The following FRAS1 variants were observed in gnomAD, a reference collection of about 807,000 sequenced individuals.
The protein encoded by FRAS1 is Fraser extracellular matrix complex subunit 1, also known as extracellular matrix organizing protein FRAS1.
Under a neutral mutation model 435.2 loss-of-function variants are expected in FRAS1, and 290 were observed. That is an observed-to-expected ratio of 0.67 (90% CI 0.61 to 0.73). The LOEUF (loss-of-function observed/expected upper bound fraction) is 0.73. FRAS1 is among the 30% of genes least tolerant of loss of function. FRAS1 has a pLI of 0.00. For synonymous variants in FRAS1, 1,800 were observed against 1,851.0 expected (o/e 0.97, Z 0.71); for missense variants, 4,860 against 5,001.5 (o/e 0.97, Z 0.85).
chr4:78,392,973 T>A (rs28583946), intron 29 of FRAS1, among the ~76,000 whole-genome samples: 3,811 of 151,510 alleles, frequency 0.025, 163 homozygotes, highest in African/African-American at 0.087. Flanking sequence ...AACAAACATG[T>A]TCATCATGAT....
intron 33 of FRAS1, 52 bp from the exon 34 acceptor site, chr4:78,421,811 A>G: frequency 1.3e-6 from 2 of 1,595,176 alleles, no homozygotes; most frequent in Non-Finnish European, 8.6e-7. Context: ...CTAGTCATTC[A>G]GTCAGTGATG....
intron 3 of FRAS1, among the ~76,000 whole-genome samples, chr4:78,238,096 A>C (rs1724839383): frequency 6.6e-6 from 1 of 152,132 alleles, no homozygotes; most frequent in African/African-American, 2.4e-5. Flanking sequence ...GAACTGACTT[A>C]TTGAAAAAGA....
chr4:78,082,460 A>G (rs1427987146), intron 2 of FRAS1, among the ~76,000 whole-genome samples: 2 of 152,156 alleles, frequency 1.3e-5, no homozygotes, highest in East Asian at 1.9e-4. Context: ...GTTGAGCAAA[A>G]CAACATAAAT....
chr4:78,399,609 G>C (rs79901226), intron 29 of FRAS1, among the ~76,000 whole-genome samples: 3,557 of 152,234 alleles, frequency 0.023, 156 homozygotes, highest in African/African-American at 0.08. Flanking sequence ...TCTCAGGAGT[G>C]CTGAATAGGT....
intron 2 of FRAS1, among the ~76,000 whole-genome samples, chr4:78,074,500 T>C (rs1358581862): frequency 6.6e-6 from 1 of 152,148 alleles, no homozygotes; most frequent in Non-Finnish European, 1.5e-5. Context: ...GACCCTGTGA[T>C]TGGATCTATG....
At chr4:78,214,250 A>T (rs761836127) in intron 2 of FRAS1, among the ~76,000 whole-genome samples, 15 of 152,208 alleles carry the variant, frequency 9.9e-5, no homozygotes, top group Non-Finnish European at 1.8e-4. Flanking sequence ...TCTGTCATAA[A>T]TCTTCTTGCT....
intron 22 of FRAS1, among the ~76,000 whole-genome samples, chr4:78,369,555 G>C (rs761583105): frequency 2.0e-5 from 3 of 152,218 alleles, no homozygotes; most frequent in Non-Finnish European, 4.4e-5. Flanking sequence ...GGATCTTAGA[G>C]TAAGCATAAA....
chr4:78,186,948 C>T (rs534226855), intron 2 of FRAS1, among the ~76,000 whole-genome samples: 1 of 152,270 alleles, frequency 6.6e-6, no homozygotes, highest in East Asian at 1.9e-4. Flanking sequence ...AATCTTTGAG[C>T]CTAAAATCTG....
At chr4:78,142,467 AAC>A (rs1447445068) in intron 2 of FRAS1, among the ~76,000 whole-genome samples, 1 of 152,008 alleles carries the variant, frequency 6.6e-6, no homozygotes, top group African/African-American at 2.4e-5. Context: ...GACAAGATGT[AAC>A]TGAAAACCAA....
intron 55 of FRAS1, 103 bp downstream of exon 55, chr4:78,478,164 A>G: frequency 3.9e-6 from 5 of 1,269,670 alleles, no homozygotes; most frequent in Non-Finnish European, 5.4e-6. Context: ...CTTAACTCAC[A>G]TGTGTACTTT....
At chr4:78,483,757 G>C (rs1397644918) in intron 58 of FRAS1, among the ~76,000 whole-genome samples, 1 of 76,330 alleles carries the variant, frequency 1.3e-5, no homozygotes, top group African/African-American at 4.5e-5. Flanking sequence ...TCCTTCAGGA[G>C]AAAAAAAAAA....
At chr4:78,060,192 C>CA (rs1026707622) in intron 1 of FRAS1, among the ~76,000 whole-genome samples, 3 of 151,956 alleles carry the variant, frequency 2.0e-5, no homozygotes, top group South Asian at 2.1e-4. Flanking sequence ...CTCCCACAGA[C>CA]AAAAAAACAT....
chr4:78,393,261 A>G (rs1047550224), intron 29 of FRAS1, among the ~76,000 whole-genome samples: 1 of 152,020 alleles, frequency 6.6e-6, no homozygotes, highest in Non-Finnish European at 1.5e-5. Context: ...TTTTAAATAT[A>G]CTATATTGTA....
chr4:78,067,554 C>G (rs1365548046), intron 2 of FRAS1, among the ~76,000 whole-genome samples: 2 of 152,006 alleles, frequency 1.3e-5, no homozygotes, highest in Non-Finnish European at 2.9e-5. Context: ...GGGCTCATGG[C>G]TGCTCAAGAT....
chr4:78,488,735 C>A (rs1720248954), intron 58 of FRAS1, 140 bp from the exon 59 acceptor site: 1 of 664,370 alleles, frequency 1.5e-6, no homozygotes, highest in Non-Finnish European at 2.6e-6. Flanking sequence ...AATCTGCTTG[C>A]CACCTGTGAT....
intron 2 of FRAS1, among the ~76,000 whole-genome samples, chr4:78,117,303 A>T (rs1048478775): frequency 5.3e-5 from 8 of 152,140 alleles, no homozygotes; most frequent in African/African-American, 1.7e-4. Context: ...TCGGACAATT[A>T]TGTGTCTTGG....
chr4:78,262,680 C>T (rs1444765722), intron 6 of FRAS1, among the ~76,000 whole-genome samples: 1 of 152,118 alleles, frequency 6.6e-6, no homozygotes, highest in Non-Finnish European at 1.5e-5. Context: ...ATCCATAATA[C>T]ACTATAAACT....
rs578118511 is a variant in FRAS1, at chr4:78,287,762, G to A, written c.1534+1223G>A. 1.1e-4 allele frequency among the ~76,000 whole-genome samples: 17 copies of A among 152,252 alleles called. No individual in the cohort carries two copies. The South Asian group carries it at 1.7e-3, about 15-fold the overall frequency. ...TCCTATGTGGAGGAGGCTGATGGTC[G>A]TCTCCATTCCAGGTAATGGTCAGAA... On this transcript the variant is annotated intron_variant, in intron 14 of 73. Coordinates refer to ENST00000512123, the MANE Select transcript of FRAS1 (RefSeq NM_025074.7).
chr4:78,232,288 A>ATT (rs143098706), intron 2 of FRAS1, among the ~76,000 whole-genome samples: 2,680 of 144,100 alleles, frequency 0.019, 91 homozygotes, highest in African/African-American at 0.064. Flanking sequence ...TACAAGGAAG[A>ATT]TTTTTTTTTT....
Sources: gnomAD v4.1 joint callset for allele counts (sites outside exome capture counted in the v4.1 genomes callset) on GRCh38, gnomAD v4.1.1 for gene constraint, MANE v1.5 for transcripts, NCBI Gene and HGNC (gene_info 2026-07-23, HGNC 2026-07-21) for gene names.